SNTG2: variants seen among roughly 807,000 people sequenced by gnomAD.
SNTG2 encodes the protein syntrophin gamma 2, also known as gamma-2-syntrophin.
SNTG2 carries 74 observed loss-of-function variants against 70.9 expected under a neutral mutation model. That is an observed-to-expected ratio of 1.04 (90% confidence interval 0.86 to 1.27). SNTG2 has a LOEUF of 1.27. SNTG2 is among the 50% of genes most tolerant of loss of function. The pLI is 0.00. For synonymous variants in SNTG2, 278 were observed against 273.8 expected (o/e 1.02, Z -0.15); for missense variants, 717 against 690.7 (o/e 1.04, Z -0.43).
chr2:1,215,609 G>A (rs1403400539), intron 9 of SNTG2, among the ~76,000 whole-genome samples: 1 of 151,422 alleles, frequency 6.6e-6, no homozygotes, highest in African/African-American at 2.4e-5. Flanking sequence ...CAACGTGCAG[G>A]TTCGTTACAT....
chr2:1,165,505 TC>T, intron 6 of SNTG2, 42 bp from the exon 7 acceptor site: 4 of 1,523,078 alleles, frequency 2.6e-6, no homozygotes, highest in Non-Finnish European at 3.6e-6. Flanking sequence ...TGTGTCTGGT[TC>T]TTTTGTGGTG....
intron 14 of SNTG2, among the ~76,000 whole-genome samples, chr2:1,299,497 C>T (rs116008691): frequency 0.02 from 3,115 of 152,306 alleles, 53 homozygotes; most frequent in Non-Finnish European, 0.033. Flanking sequence ...TGGCTCTCCT[C>T]CCTGGGTCTC....
chr2:1,219,104 G>A (rs775592955), intron 9 of SNTG2, among the ~76,000 whole-genome samples: 12 of 152,094 alleles, frequency 7.9e-5, no homozygotes, highest in East Asian at 3.9e-4. Flanking sequence ...CCAACCCCTC[G>A]GTACTGTTGT....
chr2:1,036,156 A>G (rs1661116092), intron 1 of SNTG2, among the ~76,000 whole-genome samples: 1 of 152,132 alleles, frequency 6.6e-6, no homozygotes, highest in Non-Finnish European at 1.5e-5. Flanking sequence ...AGAACTCCTC[A>G]TATATTTGGT....
intron 1 of SNTG2, among the ~76,000 whole-genome samples, chr2:1,001,492 A>G (rs1285361112): frequency 2.6e-5 from 4 of 152,230 alleles, no homozygotes; most frequent in Non-Finnish European, 5.9e-5. Flanking sequence ...CTGAGAACCA[A>G]TTCAGGAAGT....
At chr2:975,316 T>C (rs1660875352) in intron 1 of SNTG2, among the ~76,000 whole-genome samples, 4 of 138,676 alleles carry the variant, frequency 2.9e-5, no homozygotes, top group African/African-American at 8.2e-5. Context: ...ACACTATACA[T>C]TTGCACTTAC....
At chr2:1,211,556 C>CA (rs1353834192) in intron 9 of SNTG2, among the ~76,000 whole-genome samples, 1 of 152,130 alleles carries the variant, frequency 6.6e-6, no homozygotes, top group Non-Finnish European at 1.5e-5. Context: ...TTAATGGACT[C>CA]ACAGTTCTAC....
intron 1 of SNTG2, among the ~76,000 whole-genome samples, chr2:1,082,928 A>G (rs1280216948): frequency 6.6e-6 from 1 of 152,290 alleles, no homozygotes. Flanking sequence ...ACTTCCTAGC[A>G]ATTCCACATT....
chr2:1,326,742 A>G (rs1310901292), intron 16 of SNTG2, among the ~76,000 whole-genome samples: 1 of 152,226 alleles, frequency 6.6e-6, no homozygotes, highest in South Asian at 2.1e-4. Flanking sequence ...AGCAAATTTT[A>G]ATAAAATCTT....
In SNTG2 at chr2:1,209,165, C is replaced by G; in HGVS notation, c.654C>G (p.Asp218Glu). The change falls in exon 9 of 17, where the codon GAC becomes GAG. Residue 218 changes from aspartate (D) to glutamate (E), a missense_variant. Asp to Glu is a conservative substitution (Grantham distance 45, BLOSUM62 2). Transcript: ENST00000308624. The stretch of plus-strand genomic sequence containing the variant: ...CGAGGTATGAGAAGCGCTGGCTGGA[C>G]ACCTTGTCCGTGCCTCTGTCCATGG... ...KDPRYEKRWL[D>E]TLSVPLSMAR... 2 of 1,613,982 alleles carry G rather than the reference C, an allele frequency of 1.2e-6. No individual in the cohort carries two copies. Among genetic ancestry groups the G allele is most frequent in the Non-Finnish European group, 1.7e-6 (2 of 1,179,894 alleles).
intron 6 of SNTG2, among the ~76,000 whole-genome samples, chr2:1,145,059 G>A (rs987227480): frequency 6.6e-6 from 1 of 152,144 alleles, no homozygotes; most frequent in African/African-American, 2.4e-5. Flanking sequence ...TTTGTGGGAT[G>A]CAGTGAAAGC....
chr2:1,326,198 C>T (rs1285630122), intron 16 of SNTG2, among the ~76,000 whole-genome samples: 2 of 152,132 alleles, frequency 1.3e-5, no homozygotes, highest in Non-Finnish European at 2.9e-5. Context: ...TATATCCAAA[C>T]AAATATAACA....
chr2:1,222,269 C>G (rs1005253045), intron 9 of SNTG2, among the ~76,000 whole-genome samples: 14 of 152,210 alleles, frequency 9.2e-5, no homozygotes, highest in African/African-American at 3.4e-4. Flanking sequence ...GGATTAGCGC[C>G]CTGTCTATGA....
chr2:1,162,405 C>G (rs1330147496), intron 6 of SNTG2, among the ~76,000 whole-genome samples: 2 of 152,184 alleles, frequency 1.3e-5, no homozygotes, highest in Non-Finnish European at 2.9e-5. Flanking sequence ...AGGAGGGCAG[C>G]CTGTTTAAGG....
intron 9 of SNTG2, among the ~76,000 whole-genome samples, chr2:1,229,831 C>T (rs1007909386): frequency 3.3e-5 from 5 of 152,238 alleles, no homozygotes; most frequent in Non-Finnish European, 2.9e-5. Context: ...CCTCCGCAGC[C>T]GCTGGCCCGG....
rs1205760084 is a variant in SNTG2, at chr2:1,137,669, A to T, written c.369+4A>T. 2 of 1,613,470 alleles carry T rather than the reference A, an allele frequency of 1.2e-6. No individual in the cohort carries two copies. Among genetic ancestry groups the T allele is most frequent in the Middle Eastern group, 1.7e-4 (1 of 6,060 alleles). On this transcript the variant is annotated splice_donor_region_variant and intron_variant, in intron 5 of 16. Transcript: ENST00000308624. ...CGTAGGAGATGCTGTTCTCCAGGTC[A>T]GTATTGTACACGTTAATCCTTAACT...
In SNTG2 at chr2:1,047,002, C is replaced by G. The variant is rs191099087; in HGVS notation, c.73-36516C>G. On this transcript the variant is annotated intron_variant, in intron 1 of 16. Coordinates refer to ENST00000308624, the MANE Select transcript of SNTG2 (RefSeq NM_018968.4). ...TTCTCTTTCAGGAATGTCAGTCAGT[C>G]ATAGGTTTTGTCTCTTTATGTAGTC... 1.5e-4 allele frequency among the ~76,000 whole-genome samples: 23 copies of G among 152,220 alleles called. No homozygotes were observed. In the East Asian group the frequency reaches 4.4e-3, roughly 29 times the overall value.
chr2:992,367 A>G (rs764264971), intron 1 of SNTG2, among the ~76,000 whole-genome samples: 1 of 152,254 alleles, frequency 6.6e-6, no homozygotes, highest in African/African-American at 2.4e-5. Context: ...AAATTAAATG[A>G]AACAGATGTG....
intron 14 of SNTG2, among the ~76,000 whole-genome samples, chr2:1,268,171 G>A (rs1210059666): frequency 6.6e-5 from 10 of 152,096 alleles, no homozygotes; most frequent in Admixed American, 6.6e-4. Flanking sequence ...GATCCTTCAG[G>A]GAGGATGTGT....
Sources: gnomAD v4.1 joint callset for allele counts (sites outside exome capture counted in the v4.1 genomes callset) on GRCh38, gnomAD v4.1.1 for gene constraint, MANE v1.5 for transcripts, NCBI Gene and HGNC (gene_info 2026-07-23, HGNC 2026-07-21) for gene names.